ECI1: variants seen among roughly 807,000 people sequenced by gnomAD.
ECI1 encodes the protein enoyl-CoA delta isomerase 1.
A neutral mutation model predicts 34.2 loss-of-function variants in ECI1; 34 were observed. The observed-to-expected ratio is 1.00, with a 90% CI of 0.76 to 1.33. The LOEUF (loss-of-function observed/expected upper bound fraction) is 1.33, where lower values mean the gene tolerates loss of function less well. Ranked by LOEUF, ECI1 falls within the 40% of genes most tolerant of loss-of-function variation. ECI1 has a pLI of 0.00. For synonymous variants in ECI1, 211 were observed against 193.0 expected (o/e 1.09, Z -0.77); for missense variants, 456 against 422.2 (o/e 1.08, Z -0.70).
intron 6 of ECI1, 79 bp from the exon 7 acceptor site, chr16:2,240,224 T>G (rs577785679): frequency 2.0e-6 from 3 of 1,481,110 alleles, no homozygotes; most frequent in Non-Finnish European, 2.7e-6. Context: ...TTTATTTTTA[T>G]TTTTTGAGAC....
intron 6 of ECI1, chr16:2,241,489 G>A (rs1484979717): frequency 6.6e-6 from 1 of 152,062 alleles, no homozygotes; most frequent in Admixed American, 6.6e-5. Context: ...TAGAGACGGG[G>A]TTTTGCCATG....
chr16:2,251,186 C>G, intron 2 of ECI1, 130 bp downstream of exon 2: 1 of 299,782 alleles, frequency 3.3e-6, no homozygotes. Context: ...CGGCAAGGTT[C>G]TGTTTCGAAA....
At chr16:2,247,432 T>C (rs1331675134) in intron 2 of ECI1, among the ~76,000 whole-genome samples, 1 of 151,328 alleles carries the variant, frequency 6.6e-6, no homozygotes, top group Non-Finnish European at 1.5e-5. Context: ...AGTTTTGCTC[T>C]TGTTGCCCAG....
chr16:2,243,481 C>A, intron 4 of ECI1, 42 bp from the exon 5 acceptor site: 2 of 1,605,164 alleles, frequency 1.2e-6, no homozygotes, highest in Non-Finnish European at 1.7e-6. Context: ...TGCTGCTGGT[C>A]CCAACCACAT....
chr16:2,250,025 T>A lies in ECI1; in HGVS notation c.166+1291A>T, dbSNP rs1482379324. 5.8e-3 allele frequency among the ~76,000 whole-genome samples: 781 copies of A among 135,306 alleles called. 7 individuals are homozygous for A. Among genetic ancestry groups the A allele is most frequent in the African/African-American group, 0.015 (540 of 36,518 alleles). 88.8% of individuals were successfully genotyped at this position (135,306 alleles called of 152,430 possible). A position where few individuals can be genotyped will look rare whatever the true frequency, so the allele number is the denominator to read the frequency against. On this transcript the variant is annotated intron_variant, in intron 2 of 6. Transcript: ENST00000301729. ...AGCCTCTGTCTCAAAAAAAAAAAAA[T>A]AATAATTTTTTTTTTTGCATTTTGT...
At chr16:2,245,180 C>G (rs974033606) in intron 3 of ECI1, among the ~76,000 whole-genome samples, 1 of 152,156 alleles carries the variant, frequency 6.6e-6, no homozygotes, top group African/African-American at 2.4e-5. Flanking sequence ...CCTGGGGACC[C>G]TGCATGGTCA....
chr16:2,244,070 C>A (rs2093534496), intron 4 of ECI1: 3 of 401,132 alleles, frequency 7.5e-6, no homozygotes, highest in East Asian at 5.6e-5. Flanking sequence ...GGCCTTCCCC[C>A]AGAAGGGATG....
chr16:2,251,265 C>A, intron 2 of ECI1, 51 bp downstream of exon 2: 1 of 922,450 alleles, frequency 1.1e-6, no homozygotes, highest in Non-Finnish European at 1.4e-6. Context: ...GAGCGCGGAC[C>A]CCCGCGGGTC....
In ECI1 at chr16:2,244,478, C is replaced by T; in HGVS notation, c.369G>A (p.Gly123=). ...ACAGCTCCTGAACGGCCTTCCAGTA[C>T]CCAGCGTAGTGGGCGGGGCTCCTCC... ...MCGRSPAHYA[G]YWKAVQELWL... is the part of the protein sequence containing the mutation. The change falls in exon 4 of 7, where the codon GGG becomes GGA. Residue 123 remains glycine (G), a synonymous_variant. Coordinates refer to ENST00000301729, the MANE Select transcript of ECI1 (RefSeq NM_001919.4). 9.3e-6 allele frequency: 15 copies of T among 1,611,164 alleles called. No homozygotes were observed. The highest frequency in any genetic ancestry group is 1.3e-5 in the Non-Finnish European group (15 of 1,179,280).
chr16:2,248,193 T>G lies in ECI1; in HGVS notation c.167-1207A>C, dbSNP rs575603746. Among the ~76,000 whole-genome samples, 14 of 150,926 alleles carry G rather than the reference T, an allele frequency of 9.3e-5. No individual in the cohort carries two copies. The South Asian group carries it at 2.9e-3, about 32-fold the overall frequency. ...CTCACTACAACGTCCACCTCCCGGGTTCAAGCGATTCTCCTGCCTCAGCCT... is the reference window on the plus strand; with the variant it reads ...CTCACTACAACGTCCACCTCCCGGGGTCAAGCGATTCTCCTGCCTCAGCCT... On this transcript the variant is annotated intron_variant, in intron 2 of 6. Coordinates refer to ENST00000301729, the MANE Select transcript of ECI1 (RefSeq NM_001919.4).
At chr16:2,244,805 G>C (rs2093536533) in intron 3 of ECI1, among the ~76,000 whole-genome samples, 1 of 152,228 alleles carries the variant, frequency 6.6e-6, no homozygotes, top group Non-Finnish European at 1.5e-5. Flanking sequence ...AGGACAGGCA[G>C]CGCCAGGCAC....
intron 2 of ECI1, among the ~76,000 whole-genome samples, chr16:2,248,065 C>T (rs2093544527): frequency 6.6e-6 from 1 of 152,072 alleles, no homozygotes; most frequent in Non-Finnish European, 1.5e-5. Context: ...ATATAAACTG[C>T]ATGCTTTTTA....
intron 6 of ECI1, chr16:2,242,748 G>C: frequency 2.0e-6 from 1 of 487,902 alleles, no homozygotes; most frequent in Non-Finnish European, 3.7e-6. Flanking sequence ...ACAAGCCCAG[G>C]GAGGCCTGGA....
At chr16:2,246,751 C>CCA in intron 3 of ECI1, 108 bp downstream of exon 3, 1 of 1,559,068 alleles carries the variant, frequency 6.4e-7, no homozygotes, top group Non-Finnish European at 8.8e-7. Context: ...CTGGCCTGTG[C>CCA]CACACGTTGG....
At position 2,251,296 on chromosome 16, in the gene ECI1, C is replaced by A; in HGVS notation, c.166+20G>T. Reference sequence around the variant, plus strand: ...GGGTCCTGACCCCACGCCCGCCCTCCCTCGGCGCCGCCCGCTCACCTGCGC... The same window carrying A: ...GGGTCCTGACCCCACGCCCGCCCTCACTCGGCGCCGCCCGCTCACCTGCGC... On this transcript the variant is annotated intron_variant, in intron 2 of 6. Coordinates refer to ENST00000301729, the MANE Select transcript of ECI1 (RefSeq NM_001919.4). 8.6e-7 allele frequency: 1 copy of A among 1,158,958 alleles called. No individual in the cohort carries two copies. The allele number at this position is 1,158,958 out of a possible 1,614,324, so 71.8% of individuals were successfully genotyped here.
At chr16:2,247,577 A>G (rs902050420) in intron 2 of ECI1, among the ~76,000 whole-genome samples, 1 of 151,462 alleles carries the variant, frequency 6.6e-6, no homozygotes, top group Non-Finnish European at 1.5e-5. Context: ...TTGTATTTTT[A>G]GTAGGGACGG....
intron 2 of ECI1, among the ~76,000 whole-genome samples, chr16:2,249,341 G>A (rs995124347): frequency 2.0e-5 from 3 of 152,084 alleles, no homozygotes; most frequent in African/African-American, 4.8e-5. Context: ...GAGCCACCGG[G>A]CCCGGACTCA....
In ECI1 at chr16:2,243,457, A is replaced by G; in HGVS notation, c.442-18T>C. On this transcript the variant is annotated intron_variant, in intron 4 of 6. Transcript: ENST00000301729. ...CAGGCTCCCTGCAGGGAGAGGCCGGACAGGGCTCTTAGGTGCTGCTGGTCC... is the reference window on the plus strand; with the variant it reads ...CAGGCTCCCTGCAGGGAGAGGCCGGGCAGGGCTCTTAGGTGCTGCTGGTCC... 6.2e-7 allele frequency: 1 copy of G among 1,610,668 alleles called. No individual in the cohort carries two copies.
chr16:2,247,047 C>A (rs989535894), intron 2 of ECI1, 61 bp from the exon 3 acceptor site: 71 of 1,586,920 alleles, frequency 4.5e-5, no homozygotes, highest in Non-Finnish European at 5.7e-5. Flanking sequence ...GCCTGACCAG[C>A]CTGCACCCTC....
Sources: gnomAD v4.1 joint callset for allele counts (sites outside exome capture counted in the v4.1 genomes callset) on GRCh38, gnomAD v4.1.1 for gene constraint, MANE v1.5 for transcripts, NCBI Gene and HGNC (gene_info 2026-07-23, HGNC 2026-07-21) for gene names.